Variants in EPB41L4A observed in about 807,000 individuals in gnomAD.
The protein encoded by EPB41L4A is erythrocyte membrane protein band 4.1 like 4A, also known as band 4.1-like protein 4A.
In EPB41L4A, 100 loss-of-function variants were observed where a neutral mutation model predicts 108.6. The ratio of observed to expected loss-of-function variants is 0.92; its 90% confidence interval spans 0.78 to 1.09. The LOEUF (loss-of-function observed/expected upper bound fraction) is 1.09, where lower values mean the gene tolerates loss of function less well. EPB41L4A is among the 50% of genes least tolerant of loss of function. EPB41L4A has a pLI of 0.00. For synonymous variants in EPB41L4A, 319 were observed against 289.0 expected (o/e 1.10, Z -1.05); for missense variants, 1,030 against 842.7 (o/e 1.22, Z -2.75).
rs564468225 is a variant in EPB41L4A, at chr5:112,343,712, G to A, written c.100-36222C>T. Among the ~76,000 whole-genome samples, 5 of 149,960 alleles carry A rather than the reference G, an allele frequency of 3.3e-5. No homozygotes were observed. The East Asian group carries it at 9.7e-4, about 29-fold the overall frequency. ...ACAAAATAATCTATCAAATGAGTAG[G>A]AGTATCTAGCAAGAATAAAAATCCA... is the stretch of plus-strand genomic sequence containing the variant. On this transcript the variant is annotated intron_variant, in intron 1 of 22. Transcript: ENST00000261486.
At chr5:112,349,414 T>G (rs1048647074) in intron 1 of EPB41L4A, among the ~76,000 whole-genome samples, 1 of 152,178 alleles carries the variant, frequency 6.6e-6, no homozygotes, top group East Asian at 1.9e-4. Flanking sequence ...TGCAAAGAGT[T>G]TGTGCAGCAT....
Position 112,170,935 on chromosome 5 carries a change from T to C in EPB41L4A, c.1670+10A>G, listed in dbSNP as rs373766852. ...GTTTTAAAACAATAAGAAAGAAAAC[T>C]ATTACTCACTGAATGTGCTTCCATA... On this transcript the variant is annotated intron_variant, in intron 19 of 22. Transcript: ENST00000261486. 2.5e-6 allele frequency: 4 copies of C among 1,611,666 alleles called. No homozygotes were observed. The African/African-American group carries it at 5.3e-5, about 22-fold the overall frequency.
intron 1 of EPB41L4A, among the ~76,000 whole-genome samples, chr5:112,354,961 A>T (rs1231315680): frequency 6.6e-6 from 1 of 152,012 alleles, no homozygotes; most frequent in Non-Finnish European, 1.5e-5. Flanking sequence ...ATTTTATCTG[A>T]TTTTTTTTAA....
intron 1 of EPB41L4A, among the ~76,000 whole-genome samples, chr5:112,413,603 G>A (rs542280438): frequency 5.3e-5 from 8 of 152,332 alleles, no homozygotes; most frequent in Admixed American, 1.3e-4. Context: ...CAGTGTGACA[G>A]ATGCTGTAAC....
chr5:112,293,634 C>T (rs932492204), intron 2 of EPB41L4A, among the ~76,000 whole-genome samples: 2 of 152,130 alleles, frequency 1.3e-5, no homozygotes, highest in South Asian at 2.1e-4. Context: ...TTTTTGAGTC[C>T]GTGTCAAAAT....
At chr5:112,391,297 T>C (rs1760918495) in intron 1 of EPB41L4A, among the ~76,000 whole-genome samples, 1 of 152,216 alleles carries the variant, frequency 6.6e-6, no homozygotes, top group South Asian at 2.1e-4. Flanking sequence ...AGAAGTTCCT[T>C]GCAAACCCAT....
chr5:112,302,791 G>A (rs1754449174), intron 2 of EPB41L4A, among the ~76,000 whole-genome samples: 1 of 152,136 alleles, frequency 6.6e-6, no homozygotes, highest in Non-Finnish European at 1.5e-5. Flanking sequence ...CCATGGAACA[G>A]TTACCAAGGA....
At position 112,263,463 on chromosome 5, in the gene EPB41L4A, CAAT is replaced by C. The variant is rs537136786; in HGVS notation, c.555-885_555-883del. 7.2e-5 allele frequency: 11 copies of C among 152,330 alleles called. No homozygotes were observed. In the East Asian group the frequency reaches 2.1e-3, roughly 29 times the overall value. 9.4% of individuals were successfully genotyped at this position (152,330 alleles called of 1,614,324 possible). A position where few individuals can be genotyped will look rare whatever the true frequency, so the allele number is the denominator to read the frequency against. On this transcript the variant is annotated intron_variant, in intron 6 of 22. Coordinates refer to ENST00000261486, the MANE Select transcript of EPB41L4A (RefSeq NM_022140.5). ...GCTTTATTCTTAGAAATAACAGTCA[CAAT>C]GTCAACACTATCATCTAAAACACAT...
rs191379310 is a variant in EPB41L4A, at chr5:112,333,224, T to C, written c.100-25734A>G. ...GAAGCTGCACCCTGAGCAGGTTTCA[T>C]TTCTTGGGGCAAGCTCCTAATTCCT... On this transcript the variant is annotated intron_variant, in intron 1 of 22. Transcript: ENST00000261486. Among the ~76,000 whole-genome samples the C allele has an allele frequency of 5.1e-4, 78 of 152,192 alleles. 1 individual carries two copies. In the South Asian group the frequency reaches 8.7e-3, roughly 17 times the overall value.
rs575001675 is a variant in EPB41L4A at position 112,307,315 on chromosome 5, A to G, written c.204+71T>C. The stretch of plus-strand genomic sequence containing the variant: ...ACAAAGAACCTAACCACCTAAAACC[A>G]TATCAGGAAAAGCCAGAGATAGAGT... On this transcript the variant is annotated intron_variant, in intron 2 of 22. Transcript: ENST00000261486. The G allele has an allele frequency of 1.8e-4, 180 of 980,196 alleles. No individual in the cohort carries two copies. The African/African-American group carries it at 1.9e-3, about 10-fold the overall frequency. 60.7% of individuals were successfully genotyped at this position (980,196 alleles called of 1,614,324 possible).
intron 3 of EPB41L4A, among the ~76,000 whole-genome samples, chr5:112,276,016 C>T (rs1752611715): frequency 6.6e-6 from 1 of 151,276 alleles, no homozygotes; most frequent in African/African-American, 2.4e-5. Context: ...TGGAAGAGTA[C>T]AAAAAAAATT....
intron 15 of EPB41L4A, among the ~76,000 whole-genome samples, chr5:112,199,208 C>T (rs920581243): frequency 2.6e-5 from 4 of 152,208 alleles, no homozygotes; most frequent in Admixed American, 6.5e-5. Context: ...GAGATATAAC[C>T]GTTTCAATGG....
At chr5:112,386,049 GC>G (rs1366276686) in intron 1 of EPB41L4A, among the ~76,000 whole-genome samples, 7 of 152,140 alleles carry the variant, frequency 4.6e-5, no homozygotes, top group Non-Finnish European at 8.8e-5. Context: ...TAAAAATTAA[GC>G]CCTAGCATTC....
intron 12 of EPB41L4A, among the ~76,000 whole-genome samples, chr5:112,233,089 A>AATAAATTG (rs1161996346): frequency 1.3e-5 from 2 of 152,264 alleles, no homozygotes; most frequent in Non-Finnish European, 2.9e-5. Context: ...CAGTAGAATG[A>AATAAATTG]ATAAATTGTC....
At chr5:112,283,932 G>C (rs930029937) in intron 2 of EPB41L4A, among the ~76,000 whole-genome samples, 1 of 152,158 alleles carries the variant, frequency 6.6e-6, no homozygotes, top group Non-Finnish European at 1.5e-5. Flanking sequence ...TAAATAGCAT[G>C]TTCAAAAAAA....
chr5:112,235,491 C>T (rs1420636519), intron 11 of EPB41L4A, among the ~76,000 whole-genome samples: 1 of 152,140 alleles, frequency 6.6e-6, no homozygotes, highest in Non-Finnish European at 1.5e-5. Flanking sequence ...AGGTAAATAT[C>T]ATTTAGGTAC....
intron 17 of EPB41L4A, 57 bp downstream of exon 17, chr5:112,194,511 C>A: frequency 9.6e-7 from 1 of 1,042,580 alleles, no homozygotes; most frequent in Non-Finnish European, 1.4e-6. Flanking sequence ...CAGTTTCTAC[C>A]ACCAAGGGCA....
chr5:112,195,820 CATTT>C (rs1017717064), intron 15 of EPB41L4A, 112 bp from the exon 16 acceptor site: 2 of 916,386 alleles, frequency 2.2e-6, no homozygotes, highest in Non-Finnish European at 3.4e-6. Flanking sequence ...TACATTCATT[CATTT>C]GCCAAACATT....
chr5:112,205,526 T>A (rs778147651), intron 13 of EPB41L4A, 22 bp from the exon 14 acceptor site: 15 of 1,531,430 alleles, frequency 9.8e-6, no homozygotes, highest in Non-Finnish European at 1.3e-5. Context: ...AAAAAAAGTA[T>A]GAGAAATAAA....
Sources: allele counts gnomAD v4.1 joint callset (sites outside exome capture counted in the v4.1 genomes callset), GRCh38; gene constraint gnomAD v4.1.1; transcripts MANE v1.5; gene names NCBI Gene and HGNC (gene_info 2026-07-23, HGNC 2026-07-21).